TRIQK: variants seen among roughly 807,000 people sequenced by gnomAD.
TRIQK encodes the protein triple QxxK/R motif containing.
In TRIQK, 10 loss-of-function variants were observed where a neutral mutation model predicts 10.8. The observed-to-expected ratio is 0.92, with a 90% CI of 0.57 to 1.57. The LOEUF is 1.57. Among genes scored for constraint, TRIQK ranks in the 40% most tolerant of loss-of-function variants. The pLI is 0.00. For missense variants in TRIQK, 107 were observed against 97.7 expected (o/e 1.09, Z -0.40); for synonymous variants, 33 against 33.7 (o/e 0.98, Z 0.07).
intron 1 of TRIQK, among the ~76,000 whole-genome samples, chr8:92,978,334 C>T (rs1458224272): frequency 6.6e-6 from 1 of 152,056 alleles, no homozygotes; most frequent in African/African-American, 2.4e-5. Flanking sequence ...GGATTTTTGT[C>T]CCATGATACT....
chr8:92,983,300 T>A (rs1479654420), intron 1 of TRIQK, among the ~76,000 whole-genome samples: 2 of 151,958 alleles, frequency 1.3e-5, no homozygotes, highest in African/African-American at 4.8e-5. Context: ...AACAAAAGAT[T>A]TTGTGACTGT....
chr8:92,903,919 A>G (rs898799881), intron 3 of TRIQK, among the ~76,000 whole-genome samples: 4 of 152,230 alleles, frequency 2.6e-5, no homozygotes, highest in African/African-American at 7.2e-5. Context: ...AGAAGAATAC[A>G]GTTGGCAATG....
At chr8:92,936,632 A>G (rs1268428759) in intron 2 of TRIQK, among the ~76,000 whole-genome samples, 1 of 151,742 alleles carries the variant, frequency 6.6e-6, no homozygotes, top group East Asian at 1.9e-4. Flanking sequence ...AAGACATTGC[A>G]GTGAGACATC....
intron 3 of TRIQK, among the ~76,000 whole-genome samples, chr8:92,898,824 T>G (rs759398794): frequency 8.9e-5 from 9 of 100,870 alleles, no homozygotes; most frequent in African/African-American, 3.4e-4. Context: ...ACATAATAGG[T>G]GTGTGTGTGT....
chr8:93,012,330 T>C (rs1208438003), intron 1 of TRIQK, among the ~76,000 whole-genome samples: 1 of 152,194 alleles, frequency 6.6e-6, no homozygotes, highest in East Asian at 1.9e-4. Flanking sequence ...AAAATGTCTT[T>C]GTTGATGATC....
chr8:92,958,636 C>T (rs2130700604), intron 1 of TRIQK, among the ~76,000 whole-genome samples: 1 of 151,940 alleles, frequency 6.6e-6, no homozygotes, highest in South Asian at 2.1e-4. Context: ...TTAACCTTAA[C>T]CCATATAAGA....
intron 2 of TRIQK, among the ~76,000 whole-genome samples, chr8:92,939,634 C>T (rs888187996): frequency 2.0e-5 from 3 of 152,116 alleles, no homozygotes; most frequent in South Asian, 2.1e-4. Flanking sequence ...GGGGCTATAC[C>T]TATTTGACCT....
chr8:92,948,506 C>A (rs189693120), intron 2 of TRIQK, among the ~76,000 whole-genome samples: 22 of 152,244 alleles, frequency 1.4e-4, no homozygotes, highest in Non-Finnish European at 2.2e-4. Context: ...TTCATTGCAA[C>A]AATATGATTA....
At chr8:92,952,360 A>G (rs531236592) in intron 2 of TRIQK, among the ~76,000 whole-genome samples, 1 of 151,988 alleles carries the variant, frequency 6.6e-6, no homozygotes, top group East Asian at 1.9e-4. Context: ...AGCTGAGGAA[A>G]GATCTCTAAG....
At chr8:92,887,426 T>G (rs979457966) in intron 4 of TRIQK, among the ~76,000 whole-genome samples, 3 of 151,512 alleles carry the variant, frequency 2.0e-5, no homozygotes, top group African/African-American at 4.8e-5. Context: ...ATTAATCAAC[T>G]ATATTGTAAT....
At chr8:92,914,084 G>T (rs943880115) in intron 3 of TRIQK, among the ~76,000 whole-genome samples, 1 of 152,084 alleles carries the variant, frequency 6.6e-6, no homozygotes, top group African/African-American at 2.4e-5. Context: ...AAACCTGCAC[G>T]TTCTGCACAT....
intron 3 of TRIQK, among the ~76,000 whole-genome samples, chr8:92,911,322 A>G (rs577067813): frequency 3.3e-5 from 5 of 151,546 alleles, no homozygotes; most frequent in Non-Finnish European, 7.4e-5. Context: ...TCACAACAAA[A>G]ATTATCAAAT....
chr8:92,945,703 T>C (rs915778649), intron 2 of TRIQK, among the ~76,000 whole-genome samples: 11 of 152,172 alleles, frequency 7.2e-5, no homozygotes, highest in Non-Finnish European at 1.3e-4. Context: ...TCAAAGATTA[T>C]ATGCATGTGC....
chr8:92,886,736 C>A lies in TRIQK; in HGVS notation c.148-1G>T. ...TAGCTGCAAGTACAAGGCCAACTTC[C>A]TGGGAAGAAAAAAAAAGTAGACTTG... On this transcript the variant is annotated splice_acceptor_variant, in intron 4 of 4. Coordinates refer to ENST00000521988, the MANE Select transcript of TRIQK (RefSeq NM_001171797.2). LOFTEE classifies it high-confidence loss of function. The A allele has an allele frequency of 6.6e-7, 1 of 1,506,976 alleles. No homozygotes were observed. The highest frequency in any genetic ancestry group is 8.9e-7 in the Non-Finnish European group (1 of 1,124,316). The allele number at this position is 1,506,976 out of a possible 1,614,324, so 93.4% of individuals were successfully genotyped here. A position where few individuals can be genotyped will look rare whatever the true frequency, so the allele number is the denominator to read the frequency against.
intron 3 of TRIQK, among the ~76,000 whole-genome samples, chr8:92,896,020 C>T (rs2130300974): frequency 6.6e-6 from 1 of 152,234 alleles, no homozygotes; most frequent in Middle Eastern, 3.4e-3. Context: ...AGGTGCTATT[C>T]ATCAGGACAA....
At chr8:92,997,245 C>A (rs1268923839) in intron 1 of TRIQK, among the ~76,000 whole-genome samples, 2 of 151,900 alleles carry the variant, frequency 1.3e-5, no homozygotes, top group Non-Finnish European at 2.9e-5. Flanking sequence ...CATACTGGCA[C>A]TAGGAATTCA....
chr8:93,015,319 T>C (rs550037127), intron 1 of TRIQK, among the ~76,000 whole-genome samples: 4 of 152,014 alleles, frequency 2.6e-5, no homozygotes, highest in Non-Finnish European at 5.9e-5. Flanking sequence ...CAAAGTAATA[T>C]AATACTACAA....
chr8:93,010,249 C>T (rs571601464), intron 1 of TRIQK, among the ~76,000 whole-genome samples: 1 of 151,932 alleles, frequency 6.6e-6, no homozygotes, highest in South Asian at 2.1e-4. Context: ...TTTAAAATAG[C>T]TAAAAGAGAG....
At chr8:92,969,783 AT>A (rs145886090), upstream of TRIQK, among the ~76,000 whole-genome samples, 15,261 of 147,734 alleles carry the variant, frequency 0.1, 1,815 homozygotes, top group African/African-American at 0.29. Flanking sequence ...TTTAAAAAAA[AT>A]TAATTTTTTT....
Sources: allele counts gnomAD v4.1 joint callset (sites outside exome capture counted in the v4.1 genomes callset), GRCh38; gene constraint gnomAD v4.1.1; transcripts MANE v1.5; gene names NCBI Gene and HGNC (gene_info 2026-07-23, HGNC 2026-07-21).